Variants in PDGFD observed in about 807,000 individuals in gnomAD.
PDGFD encodes platelet-derived growth factor D.
PDGFD carries 30 observed loss-of-function variants against 44.7 expected under a neutral mutation model. The observed-to-expected ratio is 0.67, with a 90% confidence interval of 0.50 to 0.91. PDGFD has a LOEUF of 0.91. PDGFD is among the 40% of genes least tolerant of loss of function. PDGFD has a pLI of 0.00. For missense variants in PDGFD, 445 were observed against 457.8 expected, an observed-to-expected ratio of 0.97 and a Z score of 0.25; for synonymous variants, 173 against 168.4, an observed-to-expected ratio of 1.03 and a Z score of -0.21.
chr11:104,126,653 T>TA (rs1861845372), intron 1 of PDGFD, among the ~76,000 whole-genome samples: 1 of 152,098 alleles, frequency 6.6e-6, no homozygotes, highest in Non-Finnish European at 1.5e-5. Flanking sequence ...GTAGAGCATA[T>TA]CTACATAATG....
intron 3 of PDGFD, among the ~76,000 whole-genome samples, chr11:103,970,756 G>A (rs1349068303): frequency 1.3e-5 from 2 of 152,102 alleles, no homozygotes; most frequent in African/African-American, 4.8e-5. Context: ...TCGCCATGAA[G>A]GGAAAGAATT....
chr11:104,102,065 A>C (rs1861392653), intron 1 of PDGFD, among the ~76,000 whole-genome samples: 1 of 152,198 alleles, frequency 6.6e-6, no homozygotes, highest in South Asian at 2.1e-4. Flanking sequence ...ACAAAAGCCA[A>C]AATTGACAAA....
At chr11:104,152,421 C>T (rs1195294002) in intron 1 of PDGFD, among the ~76,000 whole-genome samples, 1 of 152,044 alleles carries the variant, frequency 6.6e-6, no homozygotes, top group Non-Finnish European at 1.5e-5. Flanking sequence ...GTAGTGTAAA[C>T]ATATTTCTCT....
chr11:103,979,545 T>C (rs554834666), intron 3 of PDGFD, among the ~76,000 whole-genome samples: 17 of 152,232 alleles, frequency 1.1e-4, no homozygotes, highest in African/African-American at 3.8e-4. Context: ...GCCATGGCGA[T>C]TGAGAGGCAA....
chr11:104,132,897 T>C (rs116468895), intron 1 of PDGFD, among the ~76,000 whole-genome samples: 308 of 152,214 alleles, frequency 2.0e-3, no homozygotes, highest in African/African-American at 6.7e-3. Flanking sequence ...CTGTATTAGT[T>C]AGGATAGGAT....
chr11:103,910,514 C>G (rs1488241429), intron 6 of PDGFD, among the ~76,000 whole-genome samples: 2 of 152,164 alleles, frequency 1.3e-5, no homozygotes. Flanking sequence ...TCTCCTTCCC[C>G]CAGCCAAGGG....
intron 1 of PDGFD, among the ~76,000 whole-genome samples, chr11:104,119,340 TTGATATAA>T (rs1565340787): frequency 3.5e-4 from 23 of 65,228 alleles, no homozygotes; most frequent in East Asian, 5.7e-4. Context: ...ATATAATATA[TTGATATAA>T]TATATAATAT....
At chr11:103,986,502 T>C (rs1859367652) in intron 3 of PDGFD, among the ~76,000 whole-genome samples, 1 of 152,150 alleles carries the variant, frequency 6.6e-6, no homozygotes, top group African/African-American at 2.4e-5. Flanking sequence ...TATGGAGACA[T>C]CAACAAGTAT....
At chr11:104,043,325 G>A (rs1948511578) in intron 1 of PDGFD, among the ~76,000 whole-genome samples, 1 of 152,142 alleles carries the variant, frequency 6.6e-6, no homozygotes, top group Non-Finnish European at 1.5e-5. Flanking sequence ...CTGGTGTTGA[G>A]AGCTGCAGCT....
intron 3 of PDGFD, among the ~76,000 whole-genome samples, chr11:103,970,252 G>A (rs1277702769): frequency 6.6e-6 from 1 of 151,966 alleles, no homozygotes; most frequent in Admixed American, 6.6e-5. Flanking sequence ...TTGATGCAAG[G>A]TGGCTATTAC....
intron 1 of PDGFD, among the ~76,000 whole-genome samples, chr11:104,116,862 T>C (rs112927799): frequency 0.01 from 1,571 of 152,062 alleles, 25 homozygotes; most frequent in African/African-American, 0.036. Context: ...TTTTGTTTCT[T>C]CCTCATTTTC....
intron 1 of PDGFD, among the ~76,000 whole-genome samples, chr11:104,042,981 T>G (rs2134400503): frequency 6.6e-6 from 1 of 152,288 alleles, no homozygotes; most frequent in East Asian, 1.9e-4. Context: ...CACTAAAAAT[T>G]TAATGTATTT....
chr11:104,080,195 G>C (rs1384179325), intron 1 of PDGFD, among the ~76,000 whole-genome samples: 1 of 152,092 alleles, frequency 6.6e-6, no homozygotes, highest in African/African-American at 2.4e-5. Flanking sequence ...CTGATCTAAA[G>C]GCAGAACTTT....
chr11:104,137,640 G>A (rs902694656), intron 1 of PDGFD, among the ~76,000 whole-genome samples: 1 of 151,118 alleles, frequency 6.6e-6, no homozygotes, highest in Non-Finnish European at 1.5e-5. Context: ...GAGACTGATA[G>A]TGGCATTTGA....
intron 3 of PDGFD, among the ~76,000 whole-genome samples, chr11:103,987,607 T>C (rs1203265922): frequency 3.9e-5 from 6 of 152,212 alleles, no homozygotes; most frequent in African/African-American, 7.2e-5. Context: ...ATTCTAGTTT[T>C]ACTAGAAAGA....
At chr11:103,953,281 C>T (rs1858786234) in intron 3 of PDGFD, among the ~76,000 whole-genome samples, 2 of 151,978 alleles carry the variant, frequency 1.3e-5, no homozygotes, top group Non-Finnish European at 1.5e-5. Flanking sequence ...AGTAAACACA[C>T]TTGTAACAGA....
At chr11:104,077,246 A>G (rs1186211991) in intron 1 of PDGFD, among the ~76,000 whole-genome samples, 2 of 152,238 alleles carry the variant, frequency 1.3e-5, no homozygotes, top group Non-Finnish European at 2.9e-5. Context: ...ATACCTCTGT[A>G]GACGACATGA....
intron 1 of PDGFD, among the ~76,000 whole-genome samples, chr11:104,008,685 T>C (rs888266993): frequency 6.6e-6 from 1 of 152,100 alleles, no homozygotes; most frequent in East Asian, 1.9e-4. Context: ...TACTCAAAAG[T>C]GCTGTATAAT....
In PDGFD at chr11:103,949,840, A is replaced by G. The variant is rs972281445; in HGVS notation, c.511-2116T>C. Among the ~76,000 whole-genome samples the G allele has an allele frequency of 2.0e-5, 3 of 152,254 alleles. No homozygotes were observed. The East Asian group carries it at 5.8e-4, about 29-fold the overall frequency. On this transcript the variant is annotated intron_variant, in intron 3 of 6. Transcript: ENST00000393158. The stretch of plus-strand genomic sequence containing the variant: ...TGGGCTTGAAAAAATTTCACATAGG[A>G]AGCTGATTTGTTAGTAGAGTCTTGG...
Sources: gnomAD v4.1 joint callset for allele counts (sites outside exome capture counted in the v4.1 genomes callset) on GRCh38, gnomAD v4.1.1 for gene constraint, MANE v1.5 for transcripts, NCBI Gene and HGNC (gene_info 2026-07-23, HGNC 2026-07-21) for gene names.